CHODL: variants seen among roughly 807,000 people sequenced by gnomAD.
CHODL encodes the protein chondrolectin.
A neutral mutation model predicts 34.5 loss-of-function variants in CHODL; 29 were observed. The observed-to-expected ratio is 0.84, with a 90% confidence interval of 0.63 to 1.15. The LOEUF (loss-of-function observed/expected upper bound fraction) is 1.15, where lower values mean the gene tolerates loss of function less well. Ranked by LOEUF, CHODL falls within the 50% of genes most tolerant of loss-of-function variation. The pLI is 0.00. For missense variants in CHODL, 332 were observed against 332.5 expected (o/e 1.00, Z 0.01); for synonymous variants, 125 against 116.1 (o/e 1.08, Z -0.49).
intron 2 of CHODL, among the ~76,000 whole-genome samples, chr21:18,203,204 A>G (rs767362135): frequency 9.8e-5 from 15 of 152,290 alleles, no homozygotes; most frequent in Non-Finnish European, 1.9e-4. Flanking sequence ...TAAAGTTTTC[A>G]TGATAAGGGA....
At position 18,050,145 on chromosome 21, in the gene CHODL, T is replaced by C. The variant is rs2064495562; in HGVS notation, c.-45+22174T>C. 2.0e-5 allele frequency among the ~76,000 whole-genome samples: 3 copies of C among 152,060 alleles called. No individual in the cohort carries two copies. The South Asian group carries it at 6.2e-4, about 32-fold the overall frequency. On this transcript the variant is annotated intron_variant, in intron 2 of 6. Coordinates refer to the CHODL transcript ENST00000400127. ...GGTGGGAGAAAAAGGGTGTGAAACC[T>C]GCTTCGTGTGATCCTTAGGAAACAC... is the stretch of plus-strand genomic sequence containing the variant.
At chr21:18,079,524 ATAT>A (rs1015992568) in intron 2 of CHODL, among the ~76,000 whole-genome samples, 18 of 149,572 alleles carry the variant, frequency 1.2e-4, no homozygotes, top group African/African-American at 4.4e-4. Flanking sequence ...ATACCATAGA[ATAT>A]TATATATATA....
intron 2 of CHODL, among the ~76,000 whole-genome samples, chr21:18,120,123 A>G (rs1442535215): frequency 6.6e-6 from 1 of 152,128 alleles, no homozygotes; most frequent in Admixed American, 6.6e-5. Flanking sequence ...CTAAAGATAT[A>G]TATTTGTAGA....
intron 1 of CHODL, among the ~76,000 whole-genome samples, chr21:17,924,070 C>T (rs1385318175): frequency 6.6e-6 from 1 of 152,144 alleles, no homozygotes; most frequent in Non-Finnish European, 1.5e-5. Flanking sequence ...ATATTTGGCT[C>T]ATGCCTGAGG....
At chr21:18,199,572 T>C (rs2073628510) in intron 2 of CHODL, among the ~76,000 whole-genome samples, 1 of 152,108 alleles carries the variant, frequency 6.6e-6, no homozygotes, top group Non-Finnish European at 1.5e-5. Context: ...ATATATCATA[T>C]ATCCACCATT....
At position 18,157,253 on chromosome 21, in the gene CHODL, T is replaced by G. The variant is rs538279299; in HGVS notation, c.-44-99256T>G. ...TGGGTATCTCTGGAAACACAATCTG[T>G]CATGATGTTTATGGTGTATTTATTT... is the stretch of plus-strand genomic sequence containing the variant. On this transcript the variant is annotated intron_variant, in intron 2 of 6. Coordinates refer to the CHODL transcript ENST00000400127. Among the ~76,000 whole-genome samples, 5 of 152,304 alleles carry G rather than the reference T, an allele frequency of 3.3e-5. No individual in the cohort carries two copies. In the South Asian group the frequency reaches 1.0e-3, roughly 32 times the overall value.
intron 2 of CHODL, among the ~76,000 whole-genome samples, chr21:18,069,925 T>C (rs1361354571): frequency 1.3e-5 from 2 of 149,672 alleles, no homozygotes; most frequent in East Asian, 4.0e-4. Flanking sequence ...TTTCTTTTCC[T>C]CCCTCTCTCC....
At chr21:18,180,255 T>C (rs2073366096) in intron 2 of CHODL, among the ~76,000 whole-genome samples, 1 of 152,104 alleles carries the variant, frequency 6.6e-6, no homozygotes, top group South Asian at 2.1e-4. Flanking sequence ...CAAGCTCAAG[T>C]GACCCTCTCA....
intron 2 of CHODL, among the ~76,000 whole-genome samples, chr21:18,030,220 T>C (rs970288198): frequency 6.6e-6 from 1 of 152,164 alleles, no homozygotes; most frequent in African/African-American, 2.4e-5. Context: ...ACGCATTCTC[T>C]TGCCTACTCT....
rs552995813 is a variant in CHODL at position 18,155,039 on chromosome 21, G to T, written c.-44-101470G>T. ...TTGAATTAATGCCACAGGGAATTAG[G>T]GAATTGAGCGGGGCTTCTAGCAAAT... On this transcript the variant is annotated intron_variant, in intron 2 of 6. Transcript: ENST00000400127. 2.0e-5 allele frequency among the ~76,000 whole-genome samples: 3 copies of T among 152,232 alleles called. No individual in the cohort carries two copies. In the East Asian group the frequency reaches 5.8e-4, roughly 29 times the overall value.
chr21:18,103,985 G>C (rs957229412), intron 2 of CHODL, among the ~76,000 whole-genome samples: 1 of 152,148 alleles, frequency 6.6e-6, no homozygotes. Flanking sequence ...TACAGTTGTT[G>C]TGAAGACACA....
rs1555879216 is a variant in CHODL at position 18,174,139 on chromosome 21, A to ATATATCTTGG, written c.-44-82365_-44-82364insCTTGGTATAT. Among the ~76,000 whole-genome samples the ATATATCTTGG allele has an allele frequency of 2.4e-4, 21 of 88,416 alleles. 1 individual carries two copies. The highest frequency in any genetic ancestry group is 4.1e-4 in the Non-Finnish European group (17 of 41,056). 58.0% of individuals were successfully genotyped at this position (88,416 alleles called of 152,430 possible). Reference sequence around the variant, plus strand: ...TATCTTGGTGTATATATATATATATATATATATATATATATATATATAAAA... The same window carrying ATATATCTTGG: ...TATCTTGGTGTATATATATATATATATATATCTTGGTATATATATATATATATATATAAAA... On this transcript the variant is annotated intron_variant, in intron 2 of 6. Transcript: ENST00000400127.
chr21:18,051,658 T>C (rs548735516), intron 2 of CHODL, among the ~76,000 whole-genome samples: 1 of 151,910 alleles, frequency 6.6e-6, no homozygotes, highest in African/African-American at 2.4e-5. Flanking sequence ...AAATTGTAAA[T>C]TTGGCAGGAA....
intron 2 of CHODL, among the ~76,000 whole-genome samples, chr21:18,126,724 G>A (rs1358262067): frequency 3.3e-5 from 5 of 151,850 alleles, no homozygotes; most frequent in Non-Finnish European, 7.4e-5. Flanking sequence ...AGTTGAAAAT[G>A]GCATTTAAAA....
At chr21:18,209,329 T>C (rs2073748502) in intron 2 of CHODL, among the ~76,000 whole-genome samples, 1 of 152,148 alleles carries the variant, frequency 6.6e-6, no homozygotes, top group Non-Finnish European at 1.5e-5. Context: ...AGTGAGTACT[T>C]CCTGGCTACA....
chr21:18,148,048 G>A (rs2072917963), intron 2 of CHODL, among the ~76,000 whole-genome samples: 1 of 152,138 alleles, frequency 6.6e-6, no homozygotes, highest in Non-Finnish European at 1.5e-5. Context: ...AGGAAAGCAG[G>A]TCTTTAGGCA....
intron 2 of CHODL, among the ~76,000 whole-genome samples, chr21:18,031,208 T>C (rs1157903641): frequency 6.6e-6 from 1 of 152,128 alleles, no homozygotes; most frequent in African/African-American, 2.4e-5. Flanking sequence ...TGGCAACCAA[T>C]GCAGACCCAC....
intron 2 of CHODL, among the ~76,000 whole-genome samples, chr21:18,122,196 T>C (rs947430891): frequency 1.6e-5 from 2 of 128,666 alleles, no homozygotes; most frequent in Non-Finnish European, 3.3e-5. Context: ...TTTTCATTTT[T>C]TTATTGATTT....
chr21:17,947,882 C>A (rs1488249197), intron 1 of CHODL, among the ~76,000 whole-genome samples: 1 of 152,106 alleles, frequency 6.6e-6, no homozygotes, highest in Non-Finnish European at 1.5e-5. Flanking sequence ...TTTATAATAG[C>A]AAAGTCCTGG....
Sources: allele counts gnomAD v4.1 joint callset (sites outside exome capture counted in the v4.1 genomes callset), GRCh38; gene constraint gnomAD v4.1.1; transcripts MANE v1.5; gene names NCBI Gene and HGNC (gene_info 2026-07-23, HGNC 2026-07-21).